DNAH14: variants seen among roughly 807,000 people sequenced by gnomAD.
DNAH14 encodes the protein axonemal beta dynein heavy chain 14.
In DNAH14, 478 loss-of-function variants were observed where a neutral mutation model predicts 520.9. That is an observed-to-expected ratio of 0.92 (90% CI 0.85 to 0.99). The LOEUF is 0.99. DNAH14 is among the 50% of genes least tolerant of loss of function. The pLI, the probability that DNAH14 is intolerant of heterozygous loss-of-function variation, is 0.00. For synonymous variants in DNAH14, 1,581 were observed against 1,757.2 expected (o/e 0.90, Z 2.51); for missense variants, 4,831 against 5,234.5 (o/e 0.92, Z 2.38).
At chr1:225,280,212 T>C (rs542505638) in intron 54 of DNAH14, among the ~76,000 whole-genome samples, 26 of 152,110 alleles carry the variant, frequency 1.7e-4, no homozygotes, top group Admixed American at 1.0e-3. Flanking sequence ...TATCAAAATA[T>C]GCTTAATGGG....
chr1:225,305,555 A>C (rs1157759236), intron 58 of DNAH14, among the ~76,000 whole-genome samples: 1 of 152,130 alleles, frequency 6.6e-6, no homozygotes, highest in Non-Finnish European at 1.5e-5. Flanking sequence ...AATACAGGAG[A>C]CATTGAGAAA....
In DNAH14 at chr1:225,305,150, A is replaced by C; in HGVS notation, c.9005+61A>C. On this transcript the variant is annotated intron_variant, in intron 58 of 85. Coordinates refer to ENST00000682510, the MANE Select transcript of DNAH14 (RefSeq NM_001367479.1). ...TATTGGTGTTTTTGTTTGCGAAAAG[A>C]GACACAAATGCAAAATGGTGAGCCA... 2.0e-6 allele frequency: 3 copies of C among 1,479,810 alleles called. No homozygotes were observed. The South Asian group carries it at 4.2e-5, about 21-fold the overall frequency. 91.7% of individuals were successfully genotyped at this position (1,479,810 alleles called of 1,614,324 possible).
rs1018154647 is a variant in DNAH14 at position 225,080,481 on chromosome 1, A to C, written c.2869A>C (p.Lys957Gln). 5.9e-5 allele frequency: 92 copies of C among 1,551,684 alleles called. No homozygotes were observed. The highest frequency in any genetic ancestry group is 7.9e-5 in the Non-Finnish European group (91 of 1,147,026). Reference protein sequence around the residue: ...GEAASLTNKAKAYSHYQDCFS... With the variant: ...GEAASLTNKAQAYSHYQDCFS... The stretch of plus-strand genomic sequence containing the variant: ...AGCTGCAAGTTTAACTAACAAAGCT[A>C]AAGCATATTCACATTATCAGGATTG... The change falls in exon 19 of 86, where the codon AAA (lysine) becomes CAA (glutamine). Residue 957 changes from lysine (K) to glutamine (Q), a missense_variant. Lys to Gln is a moderately conservative substitution (Grantham distance 53). Transcript: ENST00000682510.
chr1:224,951,746 G>T (rs555416017), intron 1 of DNAH14, among the ~76,000 whole-genome samples: 1 of 150,482 alleles, frequency 6.6e-6, no homozygotes, highest in Admixed American at 6.6e-5. Flanking sequence ...CGCCTCCCAG[G>T]TTCACACCAT....
At chr1:224,996,618 G>C (rs2063407464) in intron 8 of DNAH14, among the ~76,000 whole-genome samples, 1 of 152,088 alleles carries the variant, frequency 6.6e-6, no homozygotes, top group South Asian at 2.1e-4. Flanking sequence ...AAGCTGGCTG[G>C]GCTCTAGTCT....
intron 8 of DNAH14, among the ~76,000 whole-genome samples, chr1:224,984,374 C>A (rs1486808484): frequency 6.6e-6 from 1 of 150,800 alleles, no homozygotes; most frequent in Non-Finnish European, 1.5e-5. Context: ...CATCTCTCAC[C>A]TTATACAAAA....
intron 8 of DNAH14, among the ~76,000 whole-genome samples, chr1:224,977,769 T>C (rs1429556348): frequency 6.6e-6 from 1 of 152,186 alleles, no homozygotes; most frequent in Non-Finnish European, 1.5e-5. Context: ...TTGCCAACTG[T>C]TCATTCTATA....
At chr1:225,136,341 C>T (rs770161825) in intron 27 of DNAH14, among the ~76,000 whole-genome samples, 15 of 152,124 alleles carry the variant, frequency 9.9e-5, no homozygotes, top group Non-Finnish European at 5.9e-5. Context: ...TCTTGCAAGG[C>T]GGACCTGGTG....
At chr1:225,132,146 A>G (rs2078483528) in intron 27 of DNAH14, among the ~76,000 whole-genome samples, 1 of 152,108 alleles carries the variant, frequency 6.6e-6, no homozygotes, top group Admixed American at 6.6e-5. Flanking sequence ...TTCTGGAGTG[A>G]TGAAGATAGA....
intron 21 of DNAH14, among the ~76,000 whole-genome samples, chr1:225,093,131 CTCCCTGACTCATTCTG>C (rs2074558188): frequency 6.6e-6 from 1 of 152,100 alleles, no homozygotes; most frequent in African/African-American, 2.4e-5. Context: ...GGAGGGACTC[CTCCCTGACTCATTCTG>C]TGATGCCAGA....
At chr1:225,179,909 T>TG (rs77551931) in intron 36 of DNAH14, among the ~76,000 whole-genome samples, 1 of 152,112 alleles carries the variant, frequency 6.6e-6, no homozygotes, top group Non-Finnish European at 1.5e-5. Flanking sequence ...AGTTTTTTTT[T>TG]TCTGTCAGGA....
chr1:225,064,241 T>G (rs1408925937), intron 17 of DNAH14, among the ~76,000 whole-genome samples: 3 of 152,056 alleles, frequency 2.0e-5, no homozygotes, highest in Non-Finnish European at 4.4e-5. Flanking sequence ...ATATAGCCAT[T>G]GGAATGGCTA....
chr1:225,113,593 G>A (rs2076643173), intron 23 of DNAH14, among the ~76,000 whole-genome samples: 1 of 152,200 alleles, frequency 6.6e-6, no homozygotes, highest in Admixed American at 6.5e-5. Flanking sequence ...TGGGCCCTGG[G>A]TGGTTCCAGA....
At chr1:225,319,608 A>G (rs1313416877) in intron 61 of DNAH14, among the ~76,000 whole-genome samples, 2 of 152,128 alleles carry the variant, frequency 1.3e-5, no homozygotes. Flanking sequence ...CAAAAGAGAA[A>G]CAAGCAAGAG....
chr1:225,047,760 T>A (rs2068093660), intron 15 of DNAH14, among the ~76,000 whole-genome samples: 1 of 152,244 alleles, frequency 6.6e-6, no homozygotes, highest in Non-Finnish European at 1.5e-5. Context: ...TTTTTAAAAA[T>A]GTAACCTTAA....
Position 225,231,088 on chromosome 1 carries a change from A to T in DNAH14, c.6455A>T (p.Asp2152Val). The change falls in exon 42 of 86, where the codon GAC becomes GTC. Residue 2152 changes from aspartate (D) to valine (V), a missense_variant. By Grantham distance (152) the Asp-to-Val change is radical. Transcript: ENST00000682510. ...GGFEQSDDLN[D>V]TSSKEANSQR... ...CCTTTTTAAGGTGATGATTTGAATGACACGTCATCTAAGGAGGCAAATTCC... is the reference window on the plus strand; with the variant it reads ...CCTTTTTAAGGTGATGATTTGAATGTCACGTCATCTAAGGAGGCAAATTCC... The T allele has an allele frequency of 6.5e-7, 1 of 1,547,500 alleles. No individual in the cohort carries two copies. The highest frequency in any genetic ancestry group is 8.7e-7 in the Non-Finnish European group (1 of 1,145,164).
At chr1:225,220,893 A>C (rs527621789) in intron 41 of DNAH14, among the ~76,000 whole-genome samples, 36 of 152,330 alleles carry the variant, frequency 2.4e-4, no homozygotes, top group African/African-American at 8.7e-4. Flanking sequence ...ACACTGCCTT[A>C]CTTCAAACTG....
At chr1:225,091,317 A>T (rs1465324291) in intron 21 of DNAH14, among the ~76,000 whole-genome samples, 1 of 151,952 alleles carries the variant, frequency 6.6e-6, no homozygotes, top group East Asian at 1.9e-4. Context: ...AAAAAAGGAA[A>T]AATAAAGGCA....
chr1:225,331,320 A>G, intron 64 of DNAH14, 117 bp from the exon 65 acceptor site: 1 of 1,020,548 alleles, frequency 9.8e-7, no homozygotes, highest in Non-Finnish European at 1.4e-6. Context: ...CTCCAGAAAG[A>G]TTTTCCAGGA....
Sources: gnomAD v4.1 joint callset for allele counts (sites outside exome capture counted in the v4.1 genomes callset) on GRCh38, gnomAD v4.1.1 for gene constraint, MANE v1.5 for transcripts, NCBI Gene and HGNC (gene_info 2026-07-23, HGNC 2026-07-21) for gene names.